Variants in POLR3A observed in about 807,000 individuals in gnomAD.
POLR3A encodes the protein DNA-directed RNA polymerase III subunit RPC1.
In POLR3A, 112 loss-of-function variants were observed where a neutral mutation model predicts 152.8. The ratio of observed to expected loss-of-function variants is 0.73; its 90% CI spans 0.63 to 0.86. The LOEUF is 0.86. Among genes scored for constraint, POLR3A ranks in the 40% least tolerant of loss-of-function variants. POLR3A has a pLI of 0.00. For synonymous variants in POLR3A, 615 were observed against 652.1 expected (o/e 0.94, Z 0.87); for missense variants, 1,385 against 1,743.1 (o/e 0.79, Z 3.66).
intron 26 of POLR3A, among the ~76,000 whole-genome samples, chr10:77,983,089 C>CT (rs1162564816): frequency 1.3e-4 from 20 of 152,274 alleles, no homozygotes; most frequent in Admixed American, 2.0e-4. Flanking sequence ...ACACACGCAG[C>CT]CTCTGTGGGA....
At chr10:78,009,348 A>G (rs1415095503) in intron 14 of POLR3A, among the ~76,000 whole-genome samples, 189 bp downstream of exon 14, 1 of 152,162 alleles carries the variant, frequency 6.6e-6, no homozygotes, top group Admixed American at 6.5e-5. Context: ...TCTACTTTTA[A>G]GAGAAATGGG....
intron 3 of POLR3A, 54 bp downstream of exon 3, chr10:78,025,568 C>T (rs1276956326): frequency 1.9e-6 from 3 of 1,596,862 alleles, no homozygotes; most frequent in Non-Finnish European, 2.6e-6. Context: ...TTCCAGCATC[C>T]CTGACCAATC....
chr10:77,983,409 T>C (rs533294581), intron 26 of POLR3A, among the ~76,000 whole-genome samples: 2 of 152,296 alleles, frequency 1.3e-5, no homozygotes, highest in South Asian at 4.2e-4. Flanking sequence ...GAAGAGGGTG[T>C]CGGGAAGTTA....
intron 10 of POLR3A, among the ~76,000 whole-genome samples, chr10:78,015,812 G>C (rs1847518148): frequency 2.0e-5 from 3 of 152,038 alleles, no homozygotes; most frequent in African/African-American, 7.2e-5. Flanking sequence ...GTGTGCCATT[G>C]CCAGTCAAAA....
At chr10:77,983,806 A>G in intron 26 of POLR3A, 114 bp downstream of exon 26, 1 of 740,966 alleles carries the variant, frequency 1.3e-6, no homozygotes, top group East Asian at 2.7e-5. Flanking sequence ...CAGAAACCAC[A>G]CAGAAGGTTC....
Position 78,021,692 on chromosome 10 carries a change from C to T in POLR3A, c.1049-10G>A. 1.2e-6 allele frequency: 2 copies of T among 1,613,992 alleles called. No homozygotes were observed. The highest frequency in any genetic ancestry group is 1.7e-6 in the Non-Finnish European group (2 of 1,179,992). ...TTTCCTCTAAATCGACCTAAATAGC[C>T]AAAAACATGTCATAGGTCCCCATGG... On this transcript the variant is annotated splice_polypyrimidine_tract_variant and intron_variant, in intron 7 of 30. Transcript: ENST00000372371.
In POLR3A at chr10:78,009,523, T is replaced by C; in HGVS notation, c.1909+14A>G. 1 of 1,614,162 alleles carries C rather than the reference T, an allele frequency of 6.2e-7. No individual in the cohort carries two copies. The highest frequency in any genetic ancestry group is 8.5e-7 in the Non-Finnish European group (1 of 1,180,036). On this transcript the variant is annotated intron_variant, in intron 14 of 30. Coordinates refer to ENST00000372371, the MANE Select transcript of POLR3A (RefSeq NM_007055.4). ...ACGTTCCTCCTTCTCCCCACCCGAG[T>C]TCCGTCCACTCACAGGAATCATTGG...
At chr10:77,985,026 A>T in intron 24 of POLR3A, 144 bp downstream of exon 24, 1 of 767,198 alleles carries the variant, frequency 1.3e-6, no homozygotes, top group Non-Finnish European at 2.2e-6. Flanking sequence ...AAACCAAAAT[A>T]GGATTAACAC....
At chr10:78,028,337 G>A (rs1847657133) in intron 1 of POLR3A, among the ~76,000 whole-genome samples, 2 of 151,990 alleles carry the variant, frequency 1.3e-5, no homozygotes, top group Admixed American at 6.6e-5. Flanking sequence ...CCCATTATGT[G>A]CTCTCAAAAC....
chr10:78,025,862 C>A, intron 2 of POLR3A, 103 bp from the exon 3 acceptor site: 1 of 1,231,402 alleles, frequency 8.1e-7, no homozygotes, highest in Non-Finnish European at 1.2e-6. Flanking sequence ...TCTTTTGCTT[C>A]TTAAATTTCC....
rs969081740 is a variant in POLR3A, at chr10:78,007,558, C to T, written c.2074+144G>A. 4 of 709,322 alleles carry T rather than the reference C, an allele frequency of 5.6e-6. No homozygotes were observed. The African/African-American group carries it at 7.1e-5, about 13-fold the overall frequency. 43.9% of individuals were successfully genotyped at this position (709,322 alleles called of 1,614,324 possible). A position where few individuals can be genotyped will look rare whatever the true frequency, so the allele number is the denominator to read the frequency against. On this transcript the variant is annotated intron_variant, in intron 15 of 30. Coordinates refer to ENST00000372371, the MANE Select transcript of POLR3A (RefSeq NM_007055.4). ...AGTTAATTTAATTAATAACAGCACACATGATTTAGCCTGGAATGAGTATCT... is the reference window on the plus strand; with the variant it reads ...AGTTAATTTAATTAATAACAGCACATATGATTTAGCCTGGAATGAGTATCT...
chr10:78,010,661 G>T, intron 11 of POLR3A, 121 bp from the exon 12 acceptor site: 1 of 765,778 alleles, frequency 1.3e-6, no homozygotes, highest in Non-Finnish European at 2.3e-6. Context: ...GGACGAGGCT[G>T]AGAAATGAAA....
chr10:77,986,364 A>G (rs897614172), intron 21 of POLR3A, among the ~76,000 whole-genome samples: 16 of 152,148 alleles, frequency 1.1e-4, no homozygotes, highest in Non-Finnish European at 4.4e-5. Flanking sequence ...TACCCCAGAC[A>G]CACACTCCAT....
intron 21 of POLR3A, among the ~76,000 whole-genome samples, chr10:77,986,374 T>C (rs776270868): frequency 1.3e-5 from 2 of 152,108 alleles, no homozygotes; most frequent in Admixed American, 6.5e-5. Flanking sequence ...ACACACTCCA[T>C]TGGTTAATGT....
chr10:78,013,541 A>T (rs954762842), intron 11 of POLR3A, 109 bp downstream of exon 11: 2 of 1,125,552 alleles, frequency 1.8e-6, no homozygotes, highest in Admixed American at 1.7e-5. Context: ...GAACAGAAAG[A>T]GCCTGGCTTC....
intron 30 of POLR3A, among the ~76,000 whole-genome samples, chr10:77,978,078 CG>C (rs1428789439): frequency 6.6e-6 from 1 of 152,172 alleles, no homozygotes; most frequent in Non-Finnish European, 1.5e-5. Context: ...TTGGAAACTG[CG>C]GTAGGCAGCT....
Position 77,986,072 on chromosome 10 carries a change from C to A in POLR3A, c.2988+1G>T, listed in dbSNP as rs201733323. 11 of 1,588,594 alleles carry A rather than the reference C, an allele frequency of 6.9e-6. No homozygotes were observed. The highest frequency in any genetic ancestry group is 9.5e-6 in the Non-Finnish European group (11 of 1,156,808). On this transcript the variant is annotated splice_donor_variant, in intron 22 of 30. Transcript: ENST00000372371. LOFTEE classifies it high-confidence loss of function. The stretch of plus-strand genomic sequence containing the variant: ...TCTAACGCGTCTTGGAGGGATATTA[C>A]CTCTGTTGTGCCGTTATCATTGATG...
chr10:77,982,392 G>A, intron 27 of POLR3A, 74 bp from the exon 28 acceptor site: 2 of 1,403,076 alleles, frequency 1.4e-6, no homozygotes, highest in Non-Finnish European at 2.0e-6. Flanking sequence ...GATCACCCCA[G>A]CTTTCAGCAG....
intron 4 of POLR3A, 133 bp downstream of exon 4, chr10:78,024,838 T>C (rs1847616307): frequency 7.5e-7 from 1 of 1,334,794 alleles, no homozygotes; most frequent in African/African-American, 1.4e-5. Context: ...CAATAGGACA[T>C]CAGTTGTTGG....
Sources: gnomAD v4.1 joint callset for allele counts (sites outside exome capture counted in the v4.1 genomes callset) on GRCh38, gnomAD v4.1.1 for gene constraint, MANE v1.5 for transcripts, NCBI Gene and HGNC (gene_info 2026-07-23, HGNC 2026-07-21) for gene names.